SASS6: variants seen among roughly 807,000 people sequenced by gnomAD.
The protein encoded by SASS6 is spindle assembly abnormal protein 6 homolog.
In SASS6, 59 loss-of-function variants were observed where a neutral mutation model predicts 94.9. That is an observed-to-expected ratio of 0.62 (90% CI 0.50 to 0.77). SASS6 has a LOEUF of 0.77. Among genes scored for constraint, SASS6 ranks in the 30% least tolerant of loss-of-function variants. SASS6 has a pLI of 0.00. For synonymous variants in SASS6, 264 were observed against 270.0 expected (o/e 0.98, Z 0.22); for missense variants, 698 against 734.1 (o/e 0.95, Z 0.57).
chr1:100,096,056 C>G (rs573156464), intron 14 of SASS6, among the ~76,000 whole-genome samples: 34 of 152,116 alleles, frequency 2.2e-4, no homozygotes, highest in Non-Finnish European at 4.3e-4. Flanking sequence ...GAGAAGGTGA[C>G]CATTTTCATG....
chr1:100,091,630 T>TAAAAAAAAAAA (rs57639570), intron 14 of SASS6, among the ~76,000 whole-genome samples: 1 of 83,050 alleles, frequency 1.2e-5, no homozygotes, highest in Non-Finnish European at 2.5e-5. Flanking sequence ...AAAGTCTCAT[T>TAAAAAAAAAAA]AAAAAAAAAA....
At chr1:100,093,739 G>T (rs1174679926) in intron 14 of SASS6, among the ~76,000 whole-genome samples, 3 of 151,638 alleles carry the variant, frequency 2.0e-5, no homozygotes, top group Admixed American at 6.6e-5. Context: ...CCAGTCTGGG[G>T]GACACAGTGT....
rs571366481 is a variant in SASS6, at chr1:100,107,664, T to G, written c.1110A>C (p.Glu370Asp). The G allele has an allele frequency of 7.2e-5, 116 of 1,606,444 alleles. 3 individuals carry two copies. In the South Asian group the frequency reaches 9.3e-4, roughly 13 times the overall value. Residue 370 changes from glutamate (E) to aspartate (D), a missense_variant, in exon 10 of 17, where the codon GAA becomes GAC. Coordinates refer to ENST00000287482, the MANE Select transcript of SASS6 (RefSeq NM_194292.3). ...CTGCAGATAATGATTTTATTGTAGC[T>G]TCAAGCTTTCCTAGTTGTACTTGAT... ...EKNQVQLGKL[E>D]ATIKSLSAEL...
chr1:100,108,077 G>C, intron 8 of SASS6, 73 bp from the exon 9 acceptor site: 4 of 837,278 alleles, frequency 4.8e-6, no homozygotes, highest in Non-Finnish European at 3.7e-6. Context: ...TTATAATTAA[G>C]ATGTCTAACA....
intron 14 of SASS6, among the ~76,000 whole-genome samples, chr1:100,088,588 G>A (rs1209448919): frequency 1.5e-5 from 2 of 135,386 alleles, no homozygotes; most frequent in East Asian, 3.9e-4. Flanking sequence ...CCATTACCGG[G>A]GTGAATTAGT....
Position 100,106,801 on chromosome 1 carries a change from C to T in SASS6, c.1408+111G>A, listed in dbSNP as rs562065249. 1.2e-3 allele frequency: 712 copies of T among 609,158 alleles called. 4 individuals are homozygous for T. The African/African-American group carries it at 0.012, about 10-fold the overall frequency. 37.7% of individuals were successfully genotyped at this position (609,158 alleles called of 1,614,324 possible). On this transcript the variant is annotated intron_variant, in intron 12 of 16. Coordinates refer to ENST00000287482, the MANE Select transcript of SASS6 (RefSeq NM_194292.3). ...CCAAAGTGGTGGAGGCTGCAGTGAG[C>T]TGAGATCATGCCACTGCACTCCAGC...
intron 7 of SASS6, among the ~76,000 whole-genome samples, chr1:100,118,125 G>T (rs1263375157): frequency 6.6e-6 from 1 of 152,094 alleles, no homozygotes; most frequent in Non-Finnish European, 1.5e-5. Context: ...AGACCAGCCT[G>T]ACCGACATGG....
chr1:100,089,628 G>A (rs1651542264), intron 14 of SASS6, among the ~76,000 whole-genome samples: 1 of 152,006 alleles, frequency 6.6e-6, no homozygotes, highest in African/African-American at 2.4e-5. Flanking sequence ...AAAAAAACTT[G>A]CCAACCTAAA....
chr1:100,130,520 A>G (rs1016952235), intron 1 of SASS6, among the ~76,000 whole-genome samples: 4 of 152,124 alleles, frequency 2.6e-5, no homozygotes, highest in African/African-American at 7.2e-5. Context: ...GTCTCTTTTA[A>G]ATTAAATTAA....
chr1:100,098,806 T>C (rs1463947297), intron 14 of SASS6, among the ~76,000 whole-genome samples: 3 of 152,182 alleles, frequency 2.0e-5, no homozygotes, highest in African/African-American at 4.8e-5. Flanking sequence ...CATAATACCA[T>C]TAAATGAAAA....
At chr1:100,113,187 C>T (rs1653487383) in intron 7 of SASS6, among the ~76,000 whole-genome samples, 1 of 152,144 alleles carries the variant, frequency 6.6e-6, no homozygotes, top group Admixed American at 6.5e-5. Context: ...ACTATGTTTA[C>T]TATTTGGGTG....
chr1:100,107,124 T>C, intron 11 of SASS6, 131 bp from the exon 12 acceptor site: 1 of 607,930 alleles, frequency 1.6e-6, no homozygotes, highest in Non-Finnish European at 2.9e-6. Flanking sequence ...AATAAAGGAA[T>C]TAGCTCAATT....
At chr1:100,091,243 G>T (rs1489086751) in intron 14 of SASS6, among the ~76,000 whole-genome samples, 1 of 152,074 alleles carries the variant, frequency 6.6e-6, no homozygotes, top group East Asian at 1.9e-4. Flanking sequence ...ATTGCAGTGA[G>T]CTGAGATTGC....
At chr1:100,106,313 A>G (rs1652904696) in intron 12 of SASS6, among the ~76,000 whole-genome samples, 1 of 152,142 alleles carries the variant, frequency 6.6e-6, no homozygotes, top group Admixed American at 6.5e-5. Context: ...CACAGCTATT[A>G]AAAAAAGGAA....
chr1:100,108,374 A>G (rs1287273952), intron 8 of SASS6, among the ~76,000 whole-genome samples: 1 of 152,122 alleles, frequency 6.6e-6, no homozygotes, highest in South Asian at 2.1e-4. Flanking sequence ...TGTTGCTTAC[A>G]TGTACAGATT....
At chr1:100,108,618 A>G (rs1232566872) in intron 8 of SASS6, among the ~76,000 whole-genome samples, 2 of 152,108 alleles carry the variant, frequency 1.3e-5, no homozygotes, top group Non-Finnish European at 2.9e-5. Flanking sequence ...AGGATACAAT[A>G]TTCCTAGATA....
chr1:100,117,056 G>A (rs773941253), intron 7 of SASS6, among the ~76,000 whole-genome samples: 1 of 152,160 alleles, frequency 6.6e-6, no homozygotes, highest in African/African-American at 2.4e-5. Context: ...CACTTTGGGA[G>A]GCTGAGGAGG....
At chr1:100,085,769 C>T (rs1163366103) in intron 15 of SASS6, 139 bp from the exon 16 acceptor site, 1 of 536,610 alleles carries the variant, frequency 1.9e-6, no homozygotes, top group African/African-American at 1.9e-5. Flanking sequence ...ACATTCTTCA[C>T]TGGTTTCTTA....
At chr1:100,091,370 T>C (rs1651667821) in intron 14 of SASS6, among the ~76,000 whole-genome samples, 1 of 151,922 alleles carries the variant, frequency 6.6e-6, no homozygotes, top group South Asian at 2.1e-4. Context: ...AGACTGATTG[T>C]TTGCTTAAAA....
Sources: allele counts gnomAD v4.1 joint callset (sites outside exome capture counted in the v4.1 genomes callset), GRCh38; gene constraint gnomAD v4.1.1; transcripts MANE v1.5; gene names NCBI Gene and HGNC (gene_info 2026-07-23, HGNC 2026-07-21).